The following WDFY4 variants were observed in gnomAD, a reference collection of about 807,000 sequenced individuals.
WDFY4 encodes WDFY family member 4.
A neutral mutation model predicts 351.9 loss-of-function variants in WDFY4; 169 were observed. That is an observed-to-expected ratio of 0.48 (90% confidence interval 0.42 to 0.55). WDFY4 has a LOEUF of 0.55. Among genes scored for constraint, WDFY4 ranks in the 20% least tolerant of loss-of-function variants. WDFY4 has a pLI of 0.00. For missense variants in WDFY4, 3,803 were observed against 3,935.6 expected (o/e 0.97, Z 0.90); for synonymous variants, 1,622 against 1,574.6 (o/e 1.03, Z -0.71).
chr10:48,706,637 G>A (rs1317080598), intron 1 of WDFY4, among the ~76,000 whole-genome samples: 1 of 152,150 alleles, frequency 6.6e-6, no homozygotes, highest in Non-Finnish European at 1.5e-5. Flanking sequence ...TGATAGGATT[G>A]GTGTTTCAGG....
intron 47 of WDFY4, among the ~76,000 whole-genome samples, chr10:48,934,930 C>T (rs544112657): frequency 5.9e-5 from 9 of 152,194 alleles, no homozygotes; most frequent in Non-Finnish European, 1.2e-4. Context: ...CCCTGGCCCC[C>T]GAGGATGCCC....
At chr10:48,845,707 C>T (rs924544075) in intron 39 of WDFY4, among the ~76,000 whole-genome samples, 10 of 152,200 alleles carry the variant, frequency 6.6e-5, no homozygotes, top group Non-Finnish European at 1.3e-4. Flanking sequence ...ACTCTCTCCC[C>T]AGAGGCTTTA....
In WDFY4 at chr10:48,720,085, T is replaced by G. The variant is rs2064030361; in HGVS notation, c.309T>G (p.Leu103=). Residue 103 remains leucine, a synonymous_variant, in exon 3 of 62, where the codon CTT becomes CTG. Transcript: ENST00000325239. ...QRLAEDVSDQ[L]AQQLQKALVG... ...TGGCTGAAGACGTGTCTGACCAGCT[T>G]GCCCAGCAACTCCAGAAGGCCCTTG... 21 of 1,551,778 alleles carry G rather than the reference T, an allele frequency of 1.4e-5. No individual in the cohort carries two copies. Among genetic ancestry groups the G allele is most frequent in the Non-Finnish European group, 1.8e-5 (21 of 1,147,000 alleles).
At chr10:48,713,308 C>T (rs908856386) in intron 2 of WDFY4, among the ~76,000 whole-genome samples, 2 of 152,204 alleles carry the variant, frequency 1.3e-5, no homozygotes, top group Non-Finnish European at 2.9e-5. Context: ...GCATCAGACT[C>T]CCTCAGAGCT....
chr10:48,854,037 A>G (rs1385993772), intron 39 of WDFY4, among the ~76,000 whole-genome samples: 1 of 152,218 alleles, frequency 6.6e-6, no homozygotes, highest in African/African-American at 2.4e-5. Context: ...TCTTTGAAGT[A>G]TGAAGATGTT....
At chr10:48,901,519 G>T (rs552062433) in intron 46 of WDFY4, among the ~76,000 whole-genome samples, 1 of 152,228 alleles carries the variant, frequency 6.6e-6, no homozygotes, top group Admixed American at 6.5e-5. Flanking sequence ...TGGCAATGTT[G>T]TCAACTGCCT....
At chr10:48,915,417 A>AT (rs11413657) in intron 47 of WDFY4, among the ~76,000 whole-genome samples, 84,734 of 147,694 alleles carry the variant, frequency 0.57, 24,712 homozygotes, top group Non-Finnish European at 0.66. Context: ...CTGCTTGCTG[A>AT]TTTTTTTTTT....
In WDFY4 at chr10:48,723,485, G is replaced by A; in HGVS notation, c.509G>A (p.Cys170Tyr). ...ESGLPALLLQ[C>Y]LYLFFVFPLD... is the part of the protein sequence containing the mutation. ...GGGCTTCCAGCCCTGCTCCTACAGT[G>A]CCTTTACCTCTTCTTTGTCTTTCCT... The change falls in exon 5 of 62, where the codon TGC becomes TAC. Residue 170 changes from cysteine to tyrosine, a missense_variant. Cys to Tyr is a radical substitution (Grantham distance 194, BLOSUM62 -2). Transcript: ENST00000325239. 1 of 1,551,202 alleles carries A rather than the reference G, an allele frequency of 6.4e-7. No individual in the cohort carries two copies. The highest frequency in any genetic ancestry group is 1.2e-5 in the South Asian group (1 of 84,034).
chr10:48,817,959 G>A (rs2067679995), intron 32 of WDFY4, among the ~76,000 whole-genome samples: 1 of 152,258 alleles, frequency 6.6e-6, no homozygotes, highest in Non-Finnish European at 1.5e-5. Flanking sequence ...GGTTAGAGAA[G>A]GGGCTATGGG....
At chr10:48,753,785 G>A (rs902878966) in intron 12 of WDFY4, among the ~76,000 whole-genome samples, 2 of 152,190 alleles carry the variant, frequency 1.3e-5, no homozygotes, top group African/African-American at 2.4e-5. Context: ...CTCTGGAAAT[G>A]TGAGTTGTCC....
In WDFY4 at chr10:48,974,847, A is replaced by G; in HGVS notation, c.8929-15A>G. On this transcript the variant is annotated splice_polypyrimidine_tract_variant and intron_variant, in intron 57 of 61. Coordinates refer to ENST00000325239, the MANE Select transcript of WDFY4 (RefSeq NM_001394531.1). ...TTGAGGGTCCCTCTCCTAACCTGTG[A>G]GTCTCTGTCCCCAGGCCTTGTATGG... 2 of 1,524,554 alleles carry G rather than the reference A, an allele frequency of 1.3e-6. No individual in the cohort carries two copies. The highest frequency in any genetic ancestry group is 1.8e-6 in the Non-Finnish European group (2 of 1,131,222). 94.4% of individuals were successfully genotyped at this position (1,524,554 alleles called of 1,614,324 possible).
chr10:48,839,862 G>A (rs548641327), intron 39 of WDFY4, among the ~76,000 whole-genome samples: 5 of 152,338 alleles, frequency 3.3e-5, no homozygotes, highest in African/African-American at 7.2e-5. Flanking sequence ...CTCTACTGGC[G>A]TGAGCCATGT....
intron 53 of WDFY4, among the ~76,000 whole-genome samples, chr10:48,962,543 G>A (rs1020513336): frequency 6.6e-6 from 1 of 152,216 alleles, no homozygotes; most frequent in Admixed American, 6.5e-5. Context: ...TTGCTCATGT[G>A]TGACACCTGA....
At chr10:48,715,939 G>A (rs1293871025) in intron 2 of WDFY4, among the ~76,000 whole-genome samples, 9 of 151,830 alleles carry the variant, frequency 5.9e-5, no homozygotes, top group East Asian at 3.9e-4. Flanking sequence ...GTGAGCCACC[G>A]CGCCCGGCCA....
chr10:48,691,479 G>A lies in WDFY4; in HGVS notation c.-18+6478G>A, dbSNP rs568494580. On this transcript the variant is annotated intron_variant, in intron 1 of 61. Transcript: ENST00000325239. ...CACGCTGCTCCCCTGCTGGCCGGCT[G>A]GCAACCCGGCCTGGCTCCATCATGG... 2.6e-5 allele frequency among the ~76,000 whole-genome samples: 4 copies of A among 152,254 alleles called. No homozygotes were observed. The East Asian group carries it at 7.7e-4, about 29-fold the overall frequency.
chr10:48,817,974 C>T (rs1177034891), intron 32 of WDFY4, among the ~76,000 whole-genome samples: 1 of 152,192 alleles, frequency 6.6e-6, no homozygotes, highest in Non-Finnish European at 1.5e-5. Flanking sequence ...TATGGGAAGA[C>T]ATGTGAGTTT....
At position 48,901,874 on chromosome 10, in the gene WDFY4, GTAGCCAT is replaced by G. The variant is rs768035491; in HGVS notation, c.7586+12_7586+18del. 1 of 1,551,050 alleles carries G rather than the reference GTAGCCAT, an allele frequency of 6.4e-7. No homozygotes were observed. The highest frequency in any genetic ancestry group is 1.2e-5 in the South Asian group (1 of 84,046). ...CACCCTCAGTCTAAGGTAATGGCGG[GTAGCCAT>G]GCTGTCTGGGCATGGCACTGCCCTG... On this transcript the variant is annotated intron_variant, in intron 47 of 61. Coordinates refer to ENST00000325239, the MANE Select transcript of WDFY4 (RefSeq NM_001394531.1).
chr10:48,788,764 A>T, intron 21 of WDFY4, 89 bp downstream of exon 21: 1 of 1,483,404 alleles, frequency 6.7e-7, no homozygotes, highest in South Asian at 1.3e-5. Context: ...ACACTATTTC[A>T]TGTTTGCACT....
chr10:48,788,026 CTCCTTT>C (rs879558165), intron 20 of WDFY4, among the ~76,000 whole-genome samples: 4,106 of 124,942 alleles, frequency 0.033, 211 homozygotes, highest in Non-Finnish European at 0.036. Flanking sequence ...CCTTCTCCTT[CTCCTTT>C]TCCTTCTTCT....
Sources: gnomAD v4.1 joint callset for allele counts (sites outside exome capture counted in the v4.1 genomes callset) on GRCh38, gnomAD v4.1.1 for gene constraint, MANE v1.5 for transcripts, NCBI Gene and HGNC (gene_info 2026-07-23, HGNC 2026-07-21) for gene names.